SIN3B: variants seen among roughly 807,000 people sequenced by gnomAD.
The protein encoded by SIN3B is SIN3 transcription regulator family member B, also known as paired amphipathic helix protein Sin3b.
Under a neutral mutation model 120.2 loss-of-function variants are expected in SIN3B, and 19 were observed. The ratio of observed to expected loss-of-function variants is 0.16; its 90% confidence interval spans 0.11 to 0.23. SIN3B has a LOEUF of 0.23. Among genes scored for constraint, SIN3B ranks in the 10% least tolerant of loss-of-function variants. The probability of loss-of-function intolerance (pLI) is 1.00; values close to 1 mark genes in which losing one functional copy is unlikely to be tolerated. For missense variants in SIN3B, 1,073 were observed against 1,573.0 expected (o/e 0.68, Z 5.38); for synonymous variants, 654 against 653.2 (o/e 1.00, Z -0.02).
intron 3 of SIN3B, among the ~76,000 whole-genome samples, chr19:16,832,405 C>T (rs1293472544): frequency 6.6e-6 from 1 of 151,570 alleles, no homozygotes; most frequent in Non-Finnish European, 1.5e-5. Context: ...TTCATGTTGG[C>T]CAGGCTGTTC....
chr19:16,854,406 A>C (rs1245766579), intron 8 of SIN3B, 145 bp downstream of exon 8: 9 of 603,186 alleles, frequency 1.5e-5, no homozygotes, highest in Middle Eastern at 8.5e-4. Context: ...ATAATTATTG[A>C]TTCCCATGCA....
chr19:16,869,539 TC>T lies in SIN3B; in HGVS notation c.1888del (p.Leu630TrpfsTer12). 4 of 1,613,898 alleles carry T rather than the reference TC, an allele frequency of 2.5e-6. No homozygotes were observed. The highest frequency in any genetic ancestry group is 3.4e-6 in the Non-Finnish European group (4 of 1,180,014). On this transcript the variant is annotated frameshift_variant, in exon 13 of 19. Coordinates refer to ENST00000248054, the MANE Select transcript of SIN3B (RefSeq NM_001297595.2). LOFTEE classifies it high-confidence loss of function. Reference sequence around the variant, plus strand: ...ATCTTTGTGTACGAGGACCGGCAGATCCTGGAGGACGCAGCAGCGCTCATCA... The same window carrying T: ...ATCTTTGTGTACGAGGACCGGCAGATCTGGAGGACGCAGCAGCGCTCATCA... ...HLIFVYEDRQ[I>X]LEDAAALISY...
In SIN3B at chr19:16,846,956, C is replaced by G. The variant is rs199608444; in HGVS notation, c.583-14C>G. The G allele has an allele frequency of 1.9e-6, 3 of 1,612,660 alleles. No individual in the cohort carries two copies. The East Asian group carries it at 6.7e-5, about 36-fold the overall frequency. ...TGACTAACGACTTATTTTCCCTTTC[C>G]TGAAAACTGGCAGAAGGAGCAGCTG... On this transcript the variant is annotated splice_polypyrimidine_tract_variant and intron_variant, in intron 4 of 18. Transcript: ENST00000248054.
At chr19:16,853,759 C>T (rs8113790) in intron 7 of SIN3B, among the ~76,000 whole-genome samples, 8 of 144,750 alleles carry the variant, frequency 5.5e-5, no homozygotes, top group East Asian at 2.0e-4. Flanking sequence ...GCTGCATGGA[C>T]GCGTGCAGGG....
intron 14 of SIN3B, among the ~76,000 whole-genome samples, chr19:16,875,436 C>G (rs1256797094): frequency 2.4e-5 from 3 of 123,660 alleles, no homozygotes; most frequent in Admixed American, 1.8e-4. Context: ...TTGGTCTGGT[C>G]TGGTTTTGGT....
At chr19:16,837,101 G>A (rs1329228056) in intron 3 of SIN3B, among the ~76,000 whole-genome samples, 1 of 152,092 alleles carries the variant, frequency 6.6e-6, no homozygotes, top group Non-Finnish European at 1.5e-5. Flanking sequence ...CTGTGGGCAG[G>A]ACCTGTTTCA....
chr19:16,846,555 T>A (rs1971481275), intron 4 of SIN3B: 2 of 160,596 alleles, frequency 1.2e-5, no homozygotes, highest in Admixed American at 1.3e-4. Flanking sequence ...CCATTTTCCT[T>A]GGGTCTCAGT....
intron 3 of SIN3B, among the ~76,000 whole-genome samples, chr19:16,840,146 C>CCCCCA (rs1480282666): frequency 6.6e-6 from 1 of 152,102 alleles, no homozygotes; most frequent in East Asian, 1.9e-4. Flanking sequence ...TTGTGTCATC[C>CCCCCA]CCCCACCCCA....
rs73928658 is a variant in SIN3B, at chr19:16,833,351, C to T, written c.381+1704C>T. ...GGTGTGTGTCAATTCTGCTGCTTCT[C>T]GGCCAGGCGCAGTGGCTCACGCCTG... is the stretch of plus-strand genomic sequence containing the variant. On this transcript the variant is annotated intron_variant, in intron 3 of 18. Transcript: ENST00000248054. Among the ~76,000 whole-genome samples the T allele has an allele frequency of 7.1e-3, 1,075 of 152,186 alleles. 14 individuals carry two copies. The highest frequency in any genetic ancestry group is 0.024 in the African/African-American group (1,009 of 41,540).
intron 3 of SIN3B, among the ~76,000 whole-genome samples, chr19:16,838,688 T>C (rs1359567559): frequency 2.0e-5 from 3 of 152,104 alleles, no homozygotes; most frequent in Non-Finnish European, 4.4e-5. Flanking sequence ...TCTTTTTTTT[T>C]CGAGACAGAG....
At chr19:16,869,419 C>A in intron 12 of SIN3B, 41 bp from the exon 13 acceptor site, 1 of 1,552,758 alleles carries the variant, frequency 6.4e-7, no homozygotes, top group Non-Finnish European at 8.7e-7. Flanking sequence ...CCTCTGGGTG[C>A]TGGGTGGCTT....
At chr19:16,853,673 T>C (rs370166193) in intron 7 of SIN3B, among the ~76,000 whole-genome samples, 57 of 150,330 alleles carry the variant, frequency 3.8e-4, no homozygotes, top group African/African-American at 1.3e-3. Flanking sequence ...ATTGCGTGCA[T>C]GGGCTGTGTG....
Position 16,862,347 on chromosome 19 carries a change from T to C in SIN3B, c.1059-5T>C, listed in dbSNP as rs1284552213. 6.2e-7 allele frequency: 1 copy of C among 1,609,310 alleles called. No homozygotes were observed. Among genetic ancestry groups the C allele is most frequent in the Non-Finnish European group, 8.5e-7 (1 of 1,175,856 alleles). On this transcript the variant is annotated splice_region_variant and splice_polypyrimidine_tract_variant and intron_variant, in intron 8 of 18. Coordinates refer to ENST00000248054, the MANE Select transcript of SIN3B (RefSeq NM_001297595.2). The surrounding 1 kb of genome is among the most constrained non-coding windows in gnomAD (Gnocchi z 4.7). ...ACCAGTTACCATGTGTCTTTATCTT[T>C]GAAGGAAATTTCCAGAACTCTTTGC...
chr19:16,873,013 C>T (rs932457138), intron 14 of SIN3B, among the ~76,000 whole-genome samples: 6 of 152,108 alleles, frequency 3.9e-5, no homozygotes, highest in Non-Finnish European at 5.9e-5. Flanking sequence ...GAGGTGTGTC[C>T]CGCTGATGGC....
At chr19:16,834,372 T>A (rs1428561111) in intron 3 of SIN3B, among the ~76,000 whole-genome samples, 2 of 152,144 alleles carry the variant, frequency 1.3e-5, no homozygotes, top group African/African-American at 4.8e-5. Flanking sequence ...GTGGAGTAAC[T>A]CGGCTTTCAG....
chr19:16,877,554 C>A lies in SIN3B; in HGVS notation c.2869C>A (p.Arg957=), dbSNP rs1478069292. The A allele has an allele frequency of 4.4e-6, 7 of 1,608,550 alleles. No homozygotes were observed. Among genetic ancestry groups the A allele is most frequent in the Non-Finnish European group, 5.9e-6 (7 of 1,178,028 alleles). ...CTCTCCCTGTCCCCAGCACCTGGCTCGGTACGTGGAGCAGTATGTGGGGAC... is the reference window on the plus strand; with the variant it reads ...CTCTCCCTGTCCCCAGCACCTGGCTAGGTACGTGGAGCAGTATGTGGGGAC... ...EDPVEVQHLA[R]YVEQYVGTEG... Residue 957 remains arginine, a synonymous_variant, in exon 17 of 19, where the codon CGG becomes AGG. Transcript: ENST00000248054.
chr19:16,869,056 TAGG>T (rs535956941), intron 12 of SIN3B, among the ~76,000 whole-genome samples: 2,028 of 152,194 alleles, frequency 0.013, 20 homozygotes, highest in Non-Finnish European at 0.019. Flanking sequence ...TTGCTTTCAG[TAGG>T]AGGAGGTCAG....
chr19:16,860,195 T>G (rs528091607), intron 8 of SIN3B, among the ~76,000 whole-genome samples: 1 of 152,288 alleles, frequency 6.6e-6, no homozygotes, highest in South Asian at 2.1e-4. Context: ...CTGGTTGGGT[T>G]AGGAGCGTTC....
intron 14 of SIN3B, among the ~76,000 whole-genome samples, chr19:16,875,286 C>CTGGTTT (rs2051577808): frequency 7.9e-6 from 1 of 126,736 alleles, no homozygotes; most frequent in Non-Finnish European, 1.6e-5. Context: ...TGGGTCTGGT[C>CTGGTTT]TGGTCTGGTT....
Sources: allele counts gnomAD v4.1 joint callset (sites outside exome capture counted in the v4.1 genomes callset), GRCh38; gene constraint gnomAD v4.1.1; non-coding constraint Gnocchi (gnomAD v3.1); transcripts MANE v1.5; gene names NCBI Gene and HGNC (gene_info 2026-07-23, HGNC 2026-07-21).